CAMK4: variants seen among roughly 807,000 people sequenced by gnomAD.
CAMK4 encodes the protein calcium/calmodulin dependent protein kinase IV, also known as calcium/calmodulin-dependent protein kinase type IV.
In CAMK4, 22 loss-of-function variants were observed where a neutral mutation model predicts 44.9. That is an observed-to-expected ratio of 0.49 (90% CI 0.35 to 0.70). The LOEUF (loss-of-function observed/expected upper bound fraction) is 0.70, where lower values mean the gene tolerates loss of function less well. Among genes scored for constraint, CAMK4 ranks in the 30% least tolerant of loss-of-function variants. The pLI is 0.01. For synonymous variants in CAMK4, 218 were observed against 215.4 expected (o/e 1.01, Z -0.11); for missense variants, 498 against 586.8 (o/e 0.85, Z 1.56).
chr5:111,355,486 T>TTTTATTTATTTA (rs143763443), intron 2 of CAMK4, among the ~76,000 whole-genome samples: 34,628 of 146,662 alleles, frequency 0.24, 4,259 homozygotes, highest in South Asian at 0.29. Flanking sequence ...TCTGCATTCT[T>TTTTATTTATTTA]TTTATTTATT....
chr5:111,399,436 A>G (rs1413500200), intron 5 of CAMK4, among the ~76,000 whole-genome samples: 3 of 152,166 alleles, frequency 2.0e-5, no homozygotes, highest in Non-Finnish European at 2.9e-5. Flanking sequence ...TGCACTTATA[A>G]TTATTTAAAA....
intron 1 of CAMK4, among the ~76,000 whole-genome samples, chr5:111,232,350 G>T (rs1748516880): frequency 6.6e-6 from 1 of 152,086 alleles, no homozygotes; most frequent in African/African-American, 2.4e-5. Context: ...GAGGACTGGG[G>T]TGTCTTTATG....
chr5:111,256,794 C>A (rs887946016), intron 1 of CAMK4, among the ~76,000 whole-genome samples: 5 of 152,050 alleles, frequency 3.3e-5, no homozygotes, highest in African/African-American at 1.2e-4. Context: ...TATTAACTAC[C>A]ATGGGCACAC....
intron 1 of CAMK4, among the ~76,000 whole-genome samples, chr5:111,343,611 T>C (rs1004779699): frequency 6.6e-6 from 1 of 151,810 alleles, no homozygotes; most frequent in Non-Finnish European, 1.5e-5. Flanking sequence ...TATAGAGTGC[T>C]TAACCTAAAC....
chr5:111,454,389 GC>G (rs752568676), intron 7 of CAMK4, among the ~76,000 whole-genome samples: 29 of 152,162 alleles, frequency 1.9e-4, no homozygotes, highest in Admixed American at 4.6e-4. Context: ...TAGAACCCTT[GC>G]CCCAGGCTAT....
chr5:111,434,018 C>T (rs1160388017), intron 5 of CAMK4, among the ~76,000 whole-genome samples: 1 of 152,084 alleles, frequency 6.6e-6, no homozygotes, highest in African/African-American at 2.4e-5. Flanking sequence ...TAGTGCTGGC[C>T]TTGCGCGGTG....
At chr5:111,309,689 G>C (rs1215874338) in intron 1 of CAMK4, among the ~76,000 whole-genome samples, 2 of 152,040 alleles carry the variant, frequency 1.3e-5, no homozygotes, top group Non-Finnish European at 2.9e-5. Flanking sequence ...TCCGGATCAT[G>C]GTAAAGTGTC....
chr5:111,450,554 G>A lies in CAMK4; in HGVS notation c.625+1351G>A, dbSNP rs146815359. On this transcript the variant is annotated intron_variant, in intron 7 of 10. Transcript: ENST00000282356. ...TATAATCCCAGCACTTTCGGAGGCC[G>A]AGGTGGGTGGATCACCTGGGGTCAG... Among the ~76,000 whole-genome samples the A allele has an allele frequency of 5.6e-3, 679 of 122,288 alleles. 72 individuals are homozygous for A. The highest frequency in any genetic ancestry group is 0.018 in the African/African-American group (517 of 28,462). The allele number at this position is 122,288 out of a possible 152,430, so 80.2% of individuals were successfully genotyped here.
chr5:111,338,001 T>C (rs1034296002), intron 1 of CAMK4, among the ~76,000 whole-genome samples: 4 of 151,270 alleles, frequency 2.6e-5, no homozygotes, highest in Non-Finnish European at 5.9e-5. Context: ...CATCTTCATG[T>C]GATTTTAGTT....
chr5:111,334,268 A>G (rs773836789), intron 1 of CAMK4, among the ~76,000 whole-genome samples: 1 of 151,648 alleles, frequency 6.6e-6, no homozygotes, highest in Non-Finnish European at 1.5e-5. Flanking sequence ...AAAATGTCAA[A>G]TCACTAATTA....
intron 2 of CAMK4, among the ~76,000 whole-genome samples, chr5:111,359,700 G>A (rs974814921): frequency 3.9e-5 from 6 of 152,016 alleles, no homozygotes; most frequent in Admixed American, 3.9e-4. Flanking sequence ...GTCTTCCAGA[G>A]TTTTTATAGT....
At chr5:111,249,622 T>TTG (rs1482900869) in intron 1 of CAMK4, among the ~76,000 whole-genome samples, 4 of 148,740 alleles carry the variant, frequency 2.7e-5, no homozygotes, top group East Asian at 2.0e-4. Context: ...TCTTTTATAT[T>TTG]TGTGTGTATA....
intron 5 of CAMK4, among the ~76,000 whole-genome samples, chr5:111,423,269 C>G (rs947868570): frequency 6.6e-6 from 1 of 152,190 alleles, no homozygotes; most frequent in East Asian, 1.9e-4. Context: ...CTTTTAAAAT[C>G]TAAATAAAGA....
rs572214154 is a variant in CAMK4 at position 111,471,958 on chromosome 5, G to A, written c.626-1353G>A. On this transcript the variant is annotated intron_variant, in intron 7 of 10. Coordinates refer to ENST00000282356, the MANE Select transcript of CAMK4 (RefSeq NM_001744.6). ...TCTGTTGCCCAGGTTGGAGTGCAGC[G>A]GCGCCATCTCTGCAACCTCCACCTC... 8.0e-4 allele frequency among the ~76,000 whole-genome samples: 122 copies of A among 151,806 alleles called. 1 individual carries two copies. The highest frequency in any genetic ancestry group is 2.5e-3 in the African/African-American group (105 of 41,404).
chr5:111,308,956 AC>A (rs1368921865), intron 1 of CAMK4, among the ~76,000 whole-genome samples: 2 of 152,154 alleles, frequency 1.3e-5, no homozygotes, highest in Non-Finnish European at 2.9e-5. Context: ...AACTTCATTG[AC>A]TGATGTTTCC....
intron 2 of CAMK4, among the ~76,000 whole-genome samples, chr5:111,367,045 T>G (rs1277078850): frequency 1.3e-5 from 2 of 151,530 alleles, no homozygotes; most frequent in African/African-American, 4.9e-5. Context: ...TTCTTTCTGA[T>G]GAGCAATAAT....
intron 1 of CAMK4, among the ~76,000 whole-genome samples, chr5:111,314,962 A>T (rs1748358428): frequency 6.6e-6 from 1 of 152,106 alleles, no homozygotes; most frequent in Admixed American, 6.6e-5. Flanking sequence ...CTTATCAAAG[A>T]TAAGATACTG....
At chr5:111,245,735 G>T (rs1337718499) in intron 1 of CAMK4, among the ~76,000 whole-genome samples, 1 of 152,248 alleles carries the variant, frequency 6.6e-6, no homozygotes, top group African/African-American at 2.4e-5. Flanking sequence ...AAAGTGGTAA[G>T]ATGACTGCTG....
chr5:111,453,974 T>C lies in CAMK4; in HGVS notation c.625+4771T>C, dbSNP rs1465306770. On this transcript the variant is annotated intron_variant, in intron 7 of 10. Coordinates refer to ENST00000282356, the MANE Select transcript of CAMK4 (RefSeq NM_001744.6). ...GTATGGCACTGGACTGGTTAATCGG[T>C]ATGTGAAAGGCATGCTCCAGGCTGG... Among the ~76,000 whole-genome samples the C allele has an allele frequency of 4.6e-5, 7 of 152,124 alleles. No homozygotes were observed. In the South Asian group the frequency reaches 1.5e-3, roughly 32 times the overall value.
Sources: gnomAD v4.1 joint callset for allele counts (sites outside exome capture counted in the v4.1 genomes callset) on GRCh38, gnomAD v4.1.1 for gene constraint, MANE v1.5 for transcripts, NCBI Gene and HGNC (gene_info 2026-07-23, HGNC 2026-07-21) for gene names.